The following IQGAP2 variants were observed in gnomAD, a reference collection of about 807,000 sequenced individuals.
The protein encoded by IQGAP2 is IQ motif containing GTPase activating protein 2.
In IQGAP2, 173 loss-of-function variants were observed where a neutral mutation model predicts 201.3. The ratio of observed to expected loss-of-function variants is 0.86; its 90% CI spans 0.76 to 0.98. IQGAP2 has a LOEUF of 0.98. Ranked by LOEUF, IQGAP2 falls within the 50% of genes least tolerant of loss-of-function variation. The probability of loss-of-function intolerance (pLI) is 0.00; values close to 1 mark genes in which losing one functional copy is unlikely to be tolerated. For missense variants in IQGAP2, 1,687 were observed against 1,864.8 expected, an observed-to-expected ratio of 0.90 and a Z score of 1.76; for synonymous variants, 675 against 673.9, an observed-to-expected ratio of 1.00 and a Z score of -0.03.
chr5:76,426,390 A>G (rs1322308061), intron 1 of IQGAP2, among the ~76,000 whole-genome samples: 1 of 152,240 alleles, frequency 6.6e-6, no homozygotes, highest in Non-Finnish European at 1.5e-5. Flanking sequence ...GGGTCTGTGC[A>G]ATGACATTCA....
chr5:76,521,614 G>A (rs1758688192), intron 2 of IQGAP2, among the ~76,000 whole-genome samples: 1 of 152,202 alleles, frequency 6.6e-6, no homozygotes, highest in Admixed American at 6.5e-5. Context: ...AAGTTTCAGA[G>A]CCCCTGTAGA....
chr5:76,469,401 T>C (rs183841740), intron 2 of IQGAP2, among the ~76,000 whole-genome samples: 3 of 149,318 alleles, frequency 2.0e-5, no homozygotes, highest in Non-Finnish European at 3.0e-5. Context: ...AAAAATGAAT[T>C]TTTTTTTTTT....
intron 33 of IQGAP2, chr5:76,699,230 T>G (rs1021318978): frequency 1.3e-5 from 2 of 152,210 alleles, no homozygotes; most frequent in African/African-American, 4.8e-5. Context: ...TGCCTTTCTG[T>G]GCCTGGCCTA....
intron 17 of IQGAP2, among the ~76,000 whole-genome samples, chr5:76,642,445 T>G (rs2150405794): frequency 6.6e-6 from 1 of 152,182 alleles, no homozygotes; most frequent in Admixed American, 6.5e-5. Context: ...AACCATGAAG[T>G]CACCTCACCA....
At chr5:76,622,437 G>C (rs557220230) in intron 13 of IQGAP2, among the ~76,000 whole-genome samples, 1 of 152,224 alleles carries the variant, frequency 6.6e-6, no homozygotes, top group African/African-American at 2.4e-5. Flanking sequence ...TGTTTCCCTT[G>C]CTATGTCCAG....
At chr5:76,537,412 G>T (rs1286627681) in intron 2 of IQGAP2, among the ~76,000 whole-genome samples, 1 of 151,966 alleles carries the variant, frequency 6.6e-6, no homozygotes, top group Non-Finnish European at 1.5e-5. Context: ...TTGGACTCTT[G>T]ACATTAAACA....
At chr5:76,703,767 A>G (rs560957446) in intron 35 of IQGAP2, among the ~76,000 whole-genome samples, 1 of 152,220 alleles carries the variant, frequency 6.6e-6, no homozygotes, top group East Asian at 1.9e-4. Flanking sequence ...TTGATGTAAC[A>G]CTTTTTAAAT....
intron 13 of IQGAP2, chr5:76,617,853 A>T: frequency 6.2e-7 from 1 of 1,614,104 alleles, no homozygotes; most frequent in Non-Finnish European, 8.5e-7. Context: ...TGTCCGGATG[A>T]TGGCTGCATA....
chr5:76,595,399 G>A (rs555560624), intron 9 of IQGAP2, among the ~76,000 whole-genome samples: 26 of 151,162 alleles, frequency 1.7e-4, no homozygotes, highest in Admixed American at 9.9e-4. Context: ...TGGACATTTC[G>A]TTAAATGCAG....
At position 76,627,384 on chromosome 5, in the gene IQGAP2, T is replaced by C. The variant is rs186158211; in HGVS notation, c.1522-26T>C. 7.0e-6 allele frequency: 10 copies of C among 1,438,596 alleles called. No individual in the cohort carries two copies. The African/African-American group carries it at 1.1e-4, about 16-fold the overall frequency. The allele number at this position is 1,438,596 out of a possible 1,614,324, so 89.1% of individuals were successfully genotyped here. A position where few individuals can be genotyped will look rare whatever the true frequency, so the allele number is the denominator to read the frequency against. ...TTTCCTCATCATTCACTCTTCTTTC[T>C]TTTTATTCTGTGACATTGTCCCCAG... On this transcript the variant is annotated intron_variant, in intron 13 of 35. Transcript: ENST00000274364.
chr5:76,668,650 T>G, intron 22 of IQGAP2, 31 bp from the exon 23 acceptor site: 1 of 1,576,176 alleles, frequency 6.3e-7, no homozygotes, highest in Non-Finnish European at 8.6e-7. Context: ...TGTGGGATTT[T>G]TTTGTTTTCT....
intron 22 of IQGAP2, among the ~76,000 whole-genome samples, chr5:76,665,891 C>A (rs906729627): frequency 6.6e-6 from 1 of 152,192 alleles, no homozygotes; most frequent in Non-Finnish European, 1.5e-5. Flanking sequence ...TAGAAATTAA[C>A]AAGCATCCTC....
chr5:76,429,815 C>G (rs571403426), intron 1 of IQGAP2, among the ~76,000 whole-genome samples: 2 of 151,080 alleles, frequency 1.3e-5, no homozygotes, highest in South Asian at 4.2e-4. Context: ...CCCAAGTTCA[C>G]TAAGGATTTG....
chr5:76,522,158 A>G (rs1758718641), intron 2 of IQGAP2, among the ~76,000 whole-genome samples: 1 of 150,936 alleles, frequency 6.6e-6, no homozygotes, highest in Admixed American at 6.6e-5. Context: ...CTTTTATGTA[A>G]CCAGGAGGGA....
Position 76,617,766 on chromosome 5 carries a change from A to G in IQGAP2, c.1521+6583A>G, listed in dbSNP as rs1749132757. 5.6e-6 allele frequency: 9 copies of G among 1,613,784 alleles called. No homozygotes were observed. In the East Asian group the frequency reaches 2.0e-4, roughly 36 times the overall value. On this transcript the variant is annotated intron_variant, in intron 13 of 35. Coordinates refer to ENST00000274364, the MANE Select transcript of IQGAP2 (RefSeq NM_006633.5). Reference sequence around the variant, plus strand: ...AATAAGAATAATATTGCTTGGAGCAAAGCAAATGGTAAAAATCACAAGGAT... The same window carrying G: ...AATAAGAATAATATTGCTTGGAGCAGAGCAAATGGTAAAAATCACAAGGAT...
rs892391056 is a variant in IQGAP2 at position 76,511,671 on chromosome 5, G to T, written c.146+50002G>T. 1.7e-3 allele frequency among the ~76,000 whole-genome samples: 204 copies of T among 120,730 alleles called. 3 individuals carry two copies. The highest frequency in any genetic ancestry group is 3.1e-3 in the Non-Finnish European group (171 of 55,488). The allele number at this position is 120,730 out of a possible 152,430, so 79.2% of individuals were successfully genotyped here. A position where few individuals can be genotyped will look rare whatever the true frequency, so the allele number is the denominator to read the frequency against. Reference sequence around the variant, plus strand: ...GTCTTTCTTAAATGAGTTTTTTTTTGTTTTGTTTTGTTTTGTTTTTTTTTT... The same window carrying T: ...GTCTTTCTTAAATGAGTTTTTTTTTTTTTTGTTTTGTTTTGTTTTTTTTTT... On this transcript the variant is annotated intron_variant, in intron 2 of 35. Coordinates refer to ENST00000274364, the MANE Select transcript of IQGAP2 (RefSeq NM_006633.5).
chr5:76,518,639 G>C (rs539547050), intron 2 of IQGAP2, among the ~76,000 whole-genome samples: 5 of 152,230 alleles, frequency 3.3e-5, no homozygotes, highest in African/African-American at 9.6e-5. Context: ...GGTTCTTCTG[G>C]GTGCTGCTTG....
intron 1 of IQGAP2, among the ~76,000 whole-genome samples, chr5:76,436,504 TATATATATATATA>T (rs1157599684): frequency 7.3e-4 from 18 of 24,550 alleles, no homozygotes; most frequent in African/African-American, 3.6e-3. Flanking sequence ...TATATATATA[TATATATATATATA>T]TTTTTTTTTT....
chr5:76,403,648 G>T lies in IQGAP2; in HGVS notation c.46+57G>T. 2 of 1,393,450 alleles carry T rather than the reference G, an allele frequency of 1.4e-6. No homozygotes were observed. The highest frequency in any genetic ancestry group is 6.1e-5 in the Admixed American group (2 of 32,952). The allele number at this position is 1,393,450 out of a possible 1,614,324, so 86.3% of individuals were successfully genotyped here. A position where few individuals can be genotyped will look rare whatever the true frequency, so the allele number is the denominator to read the frequency against. On this transcript the variant is annotated intron_variant, in intron 1 of 35. Transcript: ENST00000274364. This position sits in a 1 kb window ranked among gnomAD's most constrained non-coding sequence, Gnocchi z 4.8. ...GGCCTTGGGGAGCTCCCTCCCCGAG[G>T]ACGGCGTTGGAGAAGCCGAGGGAGC...
Sources: allele counts gnomAD v4.1 joint callset (sites outside exome capture counted in the v4.1 genomes callset), GRCh38; gene constraint gnomAD v4.1.1; non-coding constraint Gnocchi (gnomAD v3.1); transcripts MANE v1.5; gene names NCBI Gene and HGNC (gene_info 2026-07-23, HGNC 2026-07-21).